VPS13B: variants seen among roughly 807,000 people sequenced by gnomAD.
VPS13B encodes the protein intermembrane lipid transfer protein VPS13B.
In VPS13B, 285 loss-of-function variants were observed where a neutral mutation model predicts 426.4. The ratio of observed to expected loss-of-function variants is 0.67; its 90% CI spans 0.61 to 0.74. The LOEUF is 0.74. VPS13B is among the 30% of genes least tolerant of loss of function. The pLI is 0.00. For missense variants in VPS13B, 4,537 were observed against 4,782.6 expected (o/e 0.95, Z 1.51); for synonymous variants, 1,676 against 1,676.4 (o/e 1.00, Z 0.01).
intron 19 of VPS13B, among the ~76,000 whole-genome samples, chr8:99,289,952 G>A (rs1019078738): frequency 6.6e-6 from 1 of 152,090 alleles, no homozygotes; most frequent in Non-Finnish European, 1.5e-5. Flanking sequence ...ATTTGGGCAA[G>A]TGTCATTAGA....
intron 19 of VPS13B, among the ~76,000 whole-genome samples, chr8:99,350,901 T>C (rs1811845691): frequency 6.6e-6 from 1 of 151,880 alleles, no homozygotes; most frequent in Non-Finnish European, 1.5e-5. Context: ...GATTGTAATA[T>C]GTAATATTTT....
At chr8:99,621,030 A>G (rs954737132) in intron 33 of VPS13B, among the ~76,000 whole-genome samples, 15 of 151,338 alleles carry the variant, frequency 9.9e-5, no homozygotes, top group African/African-American at 3.4e-4. Flanking sequence ...GTCTGAGAGC[A>G]TACTGGAGAA....
At chr8:99,467,378 G>T in intron 23 of VPS13B, 36 bp from the exon 24 acceptor site, 1 of 1,582,390 alleles carries the variant, frequency 6.3e-7, no homozygotes, top group Non-Finnish European at 8.7e-7. Flanking sequence ...CTTTTTGTTT[G>T]TGTGCTTCCC....
At chr8:99,865,625 G>A (rs576791494) in intron 58 of VPS13B, among the ~76,000 whole-genome samples, 3 of 152,336 alleles carry the variant, frequency 2.0e-5, no homozygotes, top group South Asian at 2.1e-4. Context: ...TAGTCAGTGC[G>A]GAATTTAGGA....
At chr8:99,797,375 G>T (rs768324546) in intron 43 of VPS13B, among the ~76,000 whole-genome samples, 3 of 152,004 alleles carry the variant, frequency 2.0e-5, no homozygotes, top group Non-Finnish European at 4.4e-5. Context: ...AAAGTGCTGG[G>T]ATTACAAGAG....
At chr8:99,089,484 A>G (rs918258325) in intron 3 of VPS13B, among the ~76,000 whole-genome samples, 2 of 152,146 alleles carry the variant, frequency 1.3e-5, no homozygotes, top group African/African-American at 4.8e-5. Context: ...CAATCAATAT[A>G]TATCAAATGT....
chr8:99,861,859 C>T lies in VPS13B; in HGVS notation c.11128C>T (p.Arg3710Trp), dbSNP rs560723051. The part of the protein sequence containing the change: ...RLSLDEEHYN[R>W]QEEWRRQLPE... ...CTCACTGGATGAGGAGCACTACAAC[C>T]GGCAGGAGGAGTGGCGGCGGCAGCT... Residue 3710 changes from arginine to tryptophan, a missense_variant, in exon 58 of 62, where the codon CGG becomes TGG. Arg to Trp is a moderately radical substitution (Grantham distance 101). This residue lies in a region of VPS13B where 4,311 missense variants were observed against 4,474.3 expected (regional missense o/e 0.96). Transcript: ENST00000357162. The T allele has an allele frequency of 2.0e-5, 32 of 1,601,774 alleles. No individual in the cohort carries two copies. Among genetic ancestry groups the T allele is most frequent in the Non-Finnish European group, 2.4e-5 (28 of 1,174,830 alleles).
At chr8:99,262,432 C>T (rs1037372435) in intron 17 of VPS13B, among the ~76,000 whole-genome samples, 1 of 152,086 alleles carries the variant, frequency 6.6e-6, no homozygotes, top group African/African-American at 2.4e-5. Context: ...TCTTTGTCAC[C>T]TATTGAATCT....
chr8:99,619,886 G>GATAATAATAATAATA (rs60817713), intron 33 of VPS13B, among the ~76,000 whole-genome samples: 1 of 146,876 alleles, frequency 6.8e-6, no homozygotes, highest in East Asian at 2.0e-4. Flanking sequence ...AAATGATGAT[G>GATAATAATAATAATA]ATAATAATAA....
intron 21 of VPS13B, among the ~76,000 whole-genome samples, chr8:99,392,398 T>C (rs996014507): frequency 3.9e-5 from 6 of 152,064 alleles, no homozygotes; most frequent in African/African-American, 1.2e-4. Flanking sequence ...GATTTGTTTT[T>C]TCTTCTTAAC....
chr8:99,610,585 CAG>C lies in VPS13B; in HGVS notation c.5221-31225_5221-31224del, dbSNP rs555251647. On this transcript the variant is annotated intron_variant, in intron 33 of 61. Coordinates refer to ENST00000357162, the MANE Select transcript of VPS13B (RefSeq NM_152564.5). ...GGGAACATCACACACCAGGGCCTGT[CAG>C]GGGGTGGGGGGCTAGGGGAGGGATA... is the stretch of plus-strand genomic sequence containing the variant. Among the ~76,000 whole-genome samples the C allele has an allele frequency of 4.0e-3, 591 of 146,046 alleles. 9 individuals are homozygous for C. Among genetic ancestry groups the C allele is most frequent in the African/African-American group, 0.014 (529 of 39,126 alleles).
intron 19 of VPS13B, among the ~76,000 whole-genome samples, chr8:99,313,092 G>T (rs947122677): frequency 6.6e-6 from 1 of 152,106 alleles, no homozygotes; most frequent in African/African-American, 2.4e-5. Flanking sequence ...AAGGTTTTCA[G>T]CTTCTTTGAG....
intron 17 of VPS13B, among the ~76,000 whole-genome samples, chr8:99,229,321 C>G (rs1332590853): frequency 6.6e-6 from 1 of 152,168 alleles, no homozygotes; most frequent in Non-Finnish European, 1.5e-5. Context: ...CTGGGCTTCT[C>G]CATGAGGAGA....
chr8:99,553,964 G>A (rs1824412463), intron 30 of VPS13B, among the ~76,000 whole-genome samples: 1 of 151,842 alleles, frequency 6.6e-6, no homozygotes, highest in African/African-American at 2.4e-5. Flanking sequence ...TTTTGCATAG[G>A]GAAGAAGAAC....
intron 19 of VPS13B, among the ~76,000 whole-genome samples, chr8:99,378,486 G>T (rs1005710420): frequency 6.6e-6 from 1 of 152,154 alleles, no homozygotes. Context: ...ATAGGAAATT[G>T]TAAGTATTGA....
intron 35 of VPS13B, among the ~76,000 whole-genome samples, chr8:99,678,153 T>G (rs1269846436): frequency 6.6e-6 from 1 of 152,216 alleles, no homozygotes; most frequent in African/African-American, 2.4e-5. Context: ...CTTCTTCCTT[T>G]ATCATAGTCT....
intron 23 of VPS13B, among the ~76,000 whole-genome samples, chr8:99,459,374 C>A (rs1818709631): frequency 6.6e-6 from 1 of 152,098 alleles, no homozygotes; most frequent in African/African-American, 2.4e-5. Flanking sequence ...CATTTAAATT[C>A]TGTCAGTTTT....
intron 58 of VPS13B, 74 bp downstream of exon 58, chr8:99,862,020 A>T: frequency 6.7e-7 from 1 of 1,483,458 alleles, no homozygotes; most frequent in Admixed American, 2.1e-5. Flanking sequence ...GGACTGGGCA[A>T]CTTCGCCTTC....
At chr8:99,066,265 CA>C (rs1178398457) in intron 3 of VPS13B, among the ~76,000 whole-genome samples, 4 of 152,334 alleles carry the variant, frequency 2.6e-5, no homozygotes, top group African/African-American at 9.6e-5. Flanking sequence ...TACAAGGCTA[CA>C]GTAACCAAAA....
Sources: gnomAD v4.1 joint callset for allele counts (sites outside exome capture counted in the v4.1 genomes callset) on GRCh38, gnomAD v4.1.1 for gene constraint, gnomAD v4.1.1 regional missense constraint, MANE v1.5 for transcripts, NCBI Gene and HGNC (gene_info 2026-07-23, HGNC 2026-07-21) for gene names.